PLA2G6: variants seen among roughly 807,000 people sequenced by gnomAD.
PLA2G6 encodes phospholipase A2 group VI.
In PLA2G6, 62 loss-of-function variants were observed where a neutral mutation model predicts 83.8. The observed-to-expected ratio is 0.74, with a 90% CI of 0.60 to 0.91. The LOEUF is 0.91. Ranked by LOEUF, PLA2G6 falls within the 40% of genes least tolerant of loss-of-function variation. The pLI is 0.00. For synonymous variants in PLA2G6, 417 were observed against 449.8 expected (o/e 0.93, Z 0.92); for missense variants, 944 against 1,102.0 (o/e 0.86, Z 2.03).
At chr22:38,143,697 G>A in intron 3 of PLA2G6, 1 of 350,398 alleles carries the variant, frequency 2.9e-6, no homozygotes, top group Admixed American at 3.8e-5. Flanking sequence ...ATGAGACAGT[G>A]CTGTCCAAAA....
chr22:38,120,658 C>A, intron 12 of PLA2G6, 101 bp downstream of exon 12: 2 of 1,406,966 alleles, frequency 1.4e-6, no homozygotes, highest in Non-Finnish European at 2.0e-6. Context: ...AAGCGTGGGG[C>A]GCTCTTCCCC....
rs762297219 is a variant in PLA2G6, at chr22:38,132,910, G to T, written c.998C>A (p.Ala333Asp). Residue 333 changes from alanine to aspartate, a missense_variant, in exon 7 of 17, where the codon GCC becomes GAC. Transcript: ENST00000332509. This position sits in a 1 kb window ranked among gnomAD's most constrained non-coding sequence, Gnocchi z 5.0. ...GGCCCCGTGGGTCAGCAGCACTATGGCACAGTCGAAGCGGTTGCGCATCAC... is the reference window on the plus strand; with the variant it reads ...GGCCCCGTGGGTCAGCAGCACTATGTCACAGTCGAAGCGGTTGCGCATCAC... ...VAVMRNRFDC[A>D]IVLLTHGANA... 1.3e-6 allele frequency: 2 copies of T among 1,556,514 alleles called. No individual in the cohort carries two copies. Among genetic ancestry groups the T allele is most frequent in the South Asian group, 2.4e-5 (2 of 84,444 alleles).
intron 2 of PLA2G6, among the ~76,000 whole-genome samples, chr22:38,154,272 G>A (rs942109594): frequency 6.6e-6 from 1 of 152,236 alleles, no homozygotes; most frequent in African/African-American, 2.4e-5. Flanking sequence ...TAGCCAGGCA[G>A]TGGAGACTGT....
chr22:38,132,720 G>T lies in PLA2G6; in HGVS notation c.1077+111C>A. 2.0e-6 allele frequency: 2 copies of T among 976,452 alleles called. No individual in the cohort carries two copies. The highest frequency in any genetic ancestry group is 3.2e-4 in the Middle Eastern group (1 of 3,140). The allele number at this position is 976,452 out of a possible 1,614,324, so 60.5% of individuals were successfully genotyped here. ...TGAGCTTTGGGTGGGAAGATGATTT[G>T]GAGCAGCTGACGATAGGAGGGAGAC... is the stretch of plus-strand genomic sequence containing the variant. On this transcript the variant is annotated intron_variant, in intron 7 of 16. Coordinates refer to ENST00000332509, the MANE Select transcript of PLA2G6 (RefSeq NM_003560.4). This position sits in a 1 kb window ranked among gnomAD's most constrained non-coding sequence, Gnocchi z 5.0.
intron 2 of PLA2G6, 33 bp downstream of exon 2, chr22:38,169,182 AAGG>A: frequency 6.6e-7 from 1 of 1,518,242 alleles, no homozygotes; most frequent in Non-Finnish European, 9.1e-7. Context: ...GGGGGAGTGA[AAGG>A]AGAGAAGTAT....
chr22:38,161,424 C>T (rs950657704), intron 2 of PLA2G6, among the ~76,000 whole-genome samples: 2 of 152,136 alleles, frequency 1.3e-5, no homozygotes, highest in African/African-American at 2.4e-5. Flanking sequence ...ATCCTCATGA[C>T]CTAATCACCC....
chr22:38,146,129 G>A (rs754800898), intron 2 of PLA2G6: 1 of 198,980 alleles, frequency 5.0e-6, no homozygotes, highest in Admixed American at 5.3e-5. Flanking sequence ...TTCACCTCCC[G>A]GGTTCAAGCA....
At chr22:38,115,887 A>T (rs2087161052) in intron 13 of PLA2G6, 188 bp downstream of exon 13, 1 of 1,474,150 alleles carries the variant, frequency 6.8e-7, no homozygotes, top group South Asian at 1.3e-5. Context: ...CTTTCCAGGG[A>T]CTTTTCTAAC....
chr22:38,137,266 CCTGGGCCCT>C, intron 5 of PLA2G6: 1 of 152,386 alleles, frequency 6.6e-6, no homozygotes. Context: ...AGCTTCTTTC[CCTGGGCCCT>C]CTGGAGCCCC....
chr22:38,127,086 C>A, intron 9 of PLA2G6: 1 of 1,103,500 alleles, frequency 9.1e-7, no homozygotes, highest in Non-Finnish European at 1.1e-6. Context: ...CTAGCTGCCC[C>A]TCCTGACAAG....
At chr22:38,126,879 C>T (rs771008620) in intron 9 of PLA2G6, 3 of 459,560 alleles carry the variant, frequency 6.5e-6, no homozygotes, top group Non-Finnish European at 1.0e-5. Context: ...TAAGAGGGTC[C>T]ATAATTCACC....
chr22:38,153,701 A>T (rs2089667526), intron 2 of PLA2G6, among the ~76,000 whole-genome samples: 1 of 152,134 alleles, frequency 6.6e-6, no homozygotes, highest in Non-Finnish European at 1.5e-5. Context: ...AGGAAAACCA[A>T]ATTGAACTAT....
chr22:38,121,585 C>T (rs1434434332), intron 11 of PLA2G6, among the ~76,000 whole-genome samples: 2 of 152,172 alleles, frequency 1.3e-5, no homozygotes, highest in Admixed American at 6.5e-5. Flanking sequence ...TGCCCCACTT[C>T]CCCCGTGAGG....
intron 15 of PLA2G6, 144 bp downstream of exon 15, chr22:38,113,343 T>C: frequency 1.2e-6 from 1 of 816,884 alleles, no homozygotes; most frequent in Non-Finnish European, 2.1e-6. Flanking sequence ...AACTGTGGAC[T>C]CTCTCTCCCT....
intron 11 of PLA2G6, among the ~76,000 whole-genome samples, chr22:38,122,020 G>A (rs148364409): frequency 1.1e-4 from 16 of 152,222 alleles, no homozygotes; most frequent in Middle Eastern, 3.4e-3. Flanking sequence ...TCAATAAACC[G>A]CCGTGGACAC....
rs745957346 is a variant in PLA2G6 at position 38,112,118 on chromosome 22, GA to G, written c.*42del. 1 of 1,555,242 alleles carries G rather than the reference GA, an allele frequency of 6.4e-7. No individual in the cohort carries two copies. Among genetic ancestry groups the G allele is most frequent in the South Asian group, 1.2e-5 (1 of 84,470 alleles). On this transcript the variant is annotated 3_prime_UTR_variant, in exon 17 of 17. Transcript: ENST00000332509. ...GGCTGGGCTTGGCCTGGCAGGGGCTGAATGGACGAGGTCAGCTGGGGCCGGT... is the reference window on the plus strand; with the variant it reads ...GGCTGGGCTTGGCCTGGCAGGGGCTGATGGACGAGGTCAGCTGGGGCCGGT...
intron 11 of PLA2G6, among the ~76,000 whole-genome samples, chr22:38,121,293 G>C (rs1220005782): frequency 6.6e-6 from 1 of 152,132 alleles, no homozygotes; most frequent in East Asian, 1.9e-4. Flanking sequence ...CAGGAGAATC[G>C]CTTGAACCCG....
intron 9 of PLA2G6, chr22:38,126,977 A>C (rs1360684252): frequency 9.4e-7 from 1 of 1,062,342 alleles, no homozygotes; most frequent in African/African-American, 1.6e-5. Context: ...TCCTGATCCC[A>C]GGTCTGGAAA....
At chr22:38,171,852 G>A (rs1264092443) in intron 1 of PLA2G6, among the ~76,000 whole-genome samples, 2 of 151,736 alleles carry the variant, frequency 1.3e-5, no homozygotes, top group African/African-American at 2.4e-5. Context: ...TATAAAGACA[G>A]GGTCTTACCA....
Sources: gnomAD v4.1 joint callset for allele counts (sites outside exome capture counted in the v4.1 genomes callset) on GRCh38, gnomAD v4.1.1 for gene constraint, Gnocchi (gnomAD v3.1) non-coding constraint, MANE v1.5 for transcripts, NCBI Gene and HGNC (gene_info 2026-07-23, HGNC 2026-07-21) for gene names.